The following PCGF5 variants were observed in gnomAD, a reference collection of about 807,000 sequenced individuals.
PCGF5 encodes the protein polycomb group RING finger protein 5.
Under a neutral mutation model 44.3 loss-of-function variants are expected in PCGF5, and 9 were observed. That is an observed-to-expected ratio of 0.20 (90% CI 0.12 to 0.35). The LOEUF is 0.35. Among genes scored for constraint, PCGF5 ranks in the 10% least tolerant of loss-of-function variants. The pLI, the probability that PCGF5 is intolerant of heterozygous loss-of-function variation, is 1.00. For missense variants in PCGF5, 146 were observed against 305.3 expected (o/e 0.48, Z 3.89); for synonymous variants, 95 against 102.5 (o/e 0.93, Z 0.44).
At chr10:91,157,368 A>T in the PCGF5 span, among the ~76,000 whole-genome samples, 1 of 152,178 alleles carries the variant, frequency 6.6e-6, no homozygotes, top group Non-Finnish European at 1.5e-5. Context: ...ATAAACTCAT[A>T]TTTTATTGAT....
In PCGF5 at chr10:91,280,451, T is replaced by C. The variant is rs772461478; in HGVS notation, c.*2135T>C. On this transcript the variant is annotated 3_prime_UTR_variant, in exon 10 of 10. Transcript: ENST00000336126. ...TTTCACTATTTTCCAAGGAAATATATAGGAAGCAATTATGAAACTGAGAAT... is the reference window on the plus strand; with the variant it reads ...TTTCACTATTTTCCAAGGAAATATACAGGAAGCAATTATGAAACTGAGAAT... 3.9e-5 allele frequency: 6 copies of C among 152,508 alleles called. No individual in the cohort carries two copies. The highest frequency in any genetic ancestry group is 5.9e-5 in the Non-Finnish European group (4 of 67,922). 9.4% of individuals were successfully genotyped at this position (152,508 alleles called of 1,614,324 possible).
intron 9 of PCGF5, among the ~76,000 whole-genome samples, chr10:91,272,813 C>A (rs895290793): frequency 2.0e-5 from 3 of 152,058 alleles, no homozygotes; most frequent in Non-Finnish European, 4.4e-5. Context: ...ATCCACCGTT[C>A]TTTTATTTCA....
chr10:91,187,946 TC>T (rs1440647807), intron 1 of PCGF5, among the ~76,000 whole-genome samples: 29 of 151,478 alleles, frequency 1.9e-4, no homozygotes, highest in African/African-American at 6.3e-4. Flanking sequence ...GATGGATGAT[TC>T]TTTTTTTTTT....
At chr10:91,200,772 C>T (rs1352048528) in intron 1 of PCGF5, among the ~76,000 whole-genome samples, 1 of 152,066 alleles carries the variant, frequency 6.6e-6, no homozygotes, top group Non-Finnish European at 1.5e-5. Flanking sequence ...GCAAATTAAG[C>T]TTTGGTTTCT....
intron 6 of PCGF5, among the ~76,000 whole-genome samples, chr10:91,256,543 C>A (rs1233358360): frequency 6.6e-6 from 1 of 151,970 alleles, no homozygotes; most frequent in Admixed American, 6.6e-5. Flanking sequence ...GAAATAATGG[C>A]CCCTAAAAAC....
intron 2 of PCGF5, chr10:91,227,743 TTCTGCCTACCACTTCC>T: frequency 1.0e-6 from 1 of 1,000,542 alleles, no homozygotes; most frequent in Non-Finnish European, 1.2e-6. Flanking sequence ...GGTGACTGGT[TTCTGCCTACCACTTCC>T]TCCCCTACCA....
At chr10:91,181,676 A>C (rs377591276) in intron 1 of PCGF5, among the ~76,000 whole-genome samples, 1 of 152,210 alleles carries the variant, frequency 6.6e-6, no homozygotes, top group African/African-American at 2.4e-5. Flanking sequence ...ACACTTACTG[A>C]TTTGTGTATG....
chr10:91,230,804 G>A (rs1262649617), intron 2 of PCGF5, among the ~76,000 whole-genome samples: 1 of 152,048 alleles, frequency 6.6e-6, no homozygotes, highest in Non-Finnish European at 1.5e-5. Context: ...TGTATTTTGT[G>A]TAGAGACGGG....
intron 1 of PCGF5, among the ~76,000 whole-genome samples, chr10:91,174,857 C>A (rs1843674417): frequency 6.6e-6 from 1 of 152,174 alleles, no homozygotes; most frequent in South Asian, 2.1e-4. Context: ...CTGTCAGTCT[C>A]TCCTGCAACA....
intron 6 of PCGF5, among the ~76,000 whole-genome samples, chr10:91,258,911 C>T (rs959644325): frequency 6.6e-6 from 1 of 152,122 alleles, no homozygotes; most frequent in Non-Finnish European, 1.5e-5. Flanking sequence ...ATTGACTGAA[C>T]AGTTGTGACT....
At chr10:91,158,594 G>C (rs748629710), upstream of PCGF5, among the ~76,000 whole-genome samples, 3 of 152,224 alleles carry the variant, frequency 2.0e-5, no homozygotes, top group Non-Finnish European at 2.9e-5. Flanking sequence ...GGTCAAGAGA[G>C]AGTGGACTAC....
chr10:91,171,478 A>G (rs1038859049), intron 1 of PCGF5, among the ~76,000 whole-genome samples: 1 of 152,220 alleles, frequency 6.6e-6, no homozygotes, highest in Non-Finnish European at 1.5e-5. Flanking sequence ...TAGTGATAGG[A>G]TGAATCACTC....
intron 1 of PCGF5, among the ~76,000 whole-genome samples, chr10:91,209,298 T>G (rs533741204): frequency 6.6e-6 from 1 of 152,296 alleles, no homozygotes; most frequent in South Asian, 2.1e-4. Flanking sequence ...ACTTCCTCTT[T>G]AGACATCTGT....
intron 1 of PCGF5, among the ~76,000 whole-genome samples, chr10:91,183,719 A>G (rs903418676): frequency 2.0e-5 from 3 of 152,078 alleles, no homozygotes; most frequent in Admixed American, 6.5e-5. Flanking sequence ...CTTCTTTGCC[A>G]TATGTAGTGT....
At chr10:91,251,157 G>C (rs1466624930) in intron 5 of PCGF5, 135 bp from the exon 6 acceptor site, 4 of 492,514 alleles carry the variant, frequency 8.1e-6, no homozygotes, top group Non-Finnish European at 1.0e-5. Flanking sequence ...ACATTTTAAA[G>C]ATACTAAGTT....
At chr10:91,192,781 G>A (rs1319840540) in intron 1 of PCGF5, among the ~76,000 whole-genome samples, 3 of 152,132 alleles carry the variant, frequency 2.0e-5, no homozygotes, top group Non-Finnish European at 2.9e-5. Flanking sequence ...ATCAAAAGTG[G>A]GTAGGAAGAA....
chr10:91,230,536 A>G (rs570636609), intron 2 of PCGF5, among the ~76,000 whole-genome samples: 1 of 152,328 alleles, frequency 6.6e-6, no homozygotes, highest in Admixed American at 6.5e-5. Flanking sequence ...ATATATGAAT[A>G]TATAATGTCA....
intron 6 of PCGF5, among the ~76,000 whole-genome samples, chr10:91,258,862 AAT>A (rs1319978648): frequency 6.6e-6 from 1 of 152,184 alleles, no homozygotes; most frequent in Non-Finnish European, 1.5e-5. Context: ...TTTGCCAGGA[AAT>A]ATGTTTTGCT....
intron 1 of PCGF5, among the ~76,000 whole-genome samples, chr10:91,205,042 A>T (rs2133240838): frequency 6.6e-6 from 1 of 152,332 alleles, no homozygotes; most frequent in South Asian, 2.1e-4. Context: ...AAATTTTATG[A>T]GTAAACTAAG....
Sources: gnomAD v4.1 joint callset for allele counts (sites outside exome capture counted in the v4.1 genomes callset) on GRCh38, gnomAD v4.1.1 for gene constraint, MANE v1.5 for transcripts, NCBI Gene and HGNC (gene_info 2026-07-23, HGNC 2026-07-21) for gene names.